The following GRM4 variants were observed in gnomAD, a reference collection of about 807,000 sequenced individuals.
GRM4 encodes the protein glutamate metabotropic receptor 4.
Under a neutral mutation model 81.7 loss-of-function variants are expected in GRM4, and 28 were observed. The observed-to-expected ratio is 0.34, with a 90% CI of 0.25 to 0.47. The LOEUF (loss-of-function observed/expected upper bound fraction) is 0.47. GRM4 is among the 20% of genes least tolerant of loss of function. The probability of loss-of-function intolerance (pLI) is 1.00; values close to 1 mark genes in which losing one functional copy is unlikely to be tolerated. For synonymous variants in GRM4, 488 were observed against 528.8 expected, an observed-to-expected ratio of 0.92 and a Z score of 1.06; for missense variants, 948 against 1,290.0, an observed-to-expected ratio of 0.73 and a Z score of 4.06.
chr6:34,109,033 G>A (rs1190758491), intron 2 of GRM4, among the ~76,000 whole-genome samples: 1 of 152,182 alleles, frequency 6.6e-6, no homozygotes, highest in Non-Finnish European at 1.5e-5. Flanking sequence ...GCCACTCGGG[G>A]TGAGGACCTG....
intron 2 of GRM4, among the ~76,000 whole-genome samples, chr6:34,107,023 G>A (rs1769158865): frequency 1.3e-5 from 2 of 152,264 alleles, no homozygotes; most frequent in Admixed American, 1.3e-4. Context: ...CAAGACCACA[G>A]GTGGCTGGAG....
chr6:34,099,495 A>T (rs927687176), intron 2 of GRM4, among the ~76,000 whole-genome samples: 5 of 152,102 alleles, frequency 3.3e-5, no homozygotes, highest in African/African-American at 4.8e-5. Context: ...ATGTGGCCAC[A>T]GAGAGAGTGG....
intron 3 of GRM4, among the ~76,000 whole-genome samples, chr6:34,085,425 G>A (rs1191735054): frequency 6.6e-6 from 1 of 152,222 alleles, no homozygotes; most frequent in Admixed American, 6.5e-5. Context: ...TCTGTCCTCA[G>A]TGAGTCAGTA....
At chr6:34,073,694 T>G (rs2127473299) in intron 3 of GRM4, among the ~76,000 whole-genome samples, 1 of 151,998 alleles carries the variant, frequency 6.6e-6, no homozygotes, top group Non-Finnish European at 1.5e-5. Flanking sequence ...TCACCGCACG[T>G]GAACAAAGCA....
chr6:34,132,560 T>C (rs750574111), intron 2 of GRM4, among the ~76,000 whole-genome samples: 7 of 128,984 alleles, frequency 5.4e-5, no homozygotes, highest in Non-Finnish European at 1.1e-4. Flanking sequence ...TTCTTATCTG[T>C]CTGTCTGTCT....
At chr6:34,028,415 G>A in intron 9 of GRM4, 49 bp from the exon 10 acceptor site, 1 of 1,573,324 alleles carries the variant, frequency 6.4e-7, no homozygotes, top group South Asian at 1.1e-5. Flanking sequence ...CCGACTGAGG[G>A]CCCTGACTCC....
At chr6:34,154,003 T>C (rs1374586142) in intron 1 of GRM4, among the ~76,000 whole-genome samples, 1 of 151,390 alleles carries the variant, frequency 6.6e-6, no homozygotes, top group African/African-American at 2.4e-5. Context: ...CAGGACCACA[T>C]GGGGTGTTTG....
intron 2 of GRM4, among the ~76,000 whole-genome samples, chr6:34,123,033 C>T (rs1259192442): frequency 6.6e-6 from 1 of 152,202 alleles, no homozygotes; most frequent in South Asian, 2.1e-4. Flanking sequence ...GCAGGGTCAC[C>T]TCAGAGCCTC....
At chr6:34,052,375 TG>T (rs1421230789) in intron 6 of GRM4, among the ~76,000 whole-genome samples, 6 of 152,194 alleles carry the variant, frequency 3.9e-5, no homozygotes, top group African/African-American at 1.4e-4. Flanking sequence ...ATCCTCTTCT[TG>T]GGGGAACTCC....
In GRM4 at chr6:34,022,343, A is replaced by G. The variant is rs534569168; in HGVS notation, c.*478T>C. The G allele has an allele frequency of 9.2e-5, 16 of 173,190 alleles. No homozygotes were observed. Among genetic ancestry groups the G allele is most frequent in the East Asian group, 8.3e-4 (5 of 5,994 alleles). The allele number at this position is 173,190 out of a possible 1,614,324, so 10.7% of individuals were successfully genotyped here. On this transcript the variant is annotated 3_prime_UTR_variant, in exon 11 of 11. Coordinates refer to ENST00000538487, the MANE Select transcript of GRM4 (RefSeq NM_000841.4). This position sits in a 1 kb window ranked among gnomAD's most constrained non-coding sequence, Gnocchi z 5.6. ...AGGAGCTGAGGACAAAGAGGATGAG[A>G]GAGAGAGGCGGAGGCAAGAGCCAGA...
chr6:34,142,707 C>T (rs988244128), intron 1 of GRM4, among the ~76,000 whole-genome samples: 4 of 152,194 alleles, frequency 2.6e-5, no homozygotes, highest in African/African-American at 9.6e-5. Context: ...ATCGCTCACC[C>T]GCTCGCTCTC....
In GRM4 at chr6:34,136,866, C is replaced by G. The variant is rs1381544774; in HGVS notation, c.-363-3007G>C. On this transcript the variant is annotated intron_variant, in intron 1 of 10. Transcript: ENST00000538487. This position sits in a 1 kb window ranked among gnomAD's most constrained non-coding sequence, Gnocchi z 4.1. ...TCCCCTCCCTCCTTTGATCATGTAA[C>G]AGGAACAAGGGAAAAGTAAAAATAC... Among the ~76,000 whole-genome samples, 2 of 151,218 alleles carry G rather than the reference C, an allele frequency of 1.3e-5. No individual in the cohort carries two copies. The highest frequency in any genetic ancestry group is 2.9e-5 in the Non-Finnish European group (2 of 67,898).
chr6:34,115,256 G>A lies in GRM4; in HGVS notation c.519+17722C>T, dbSNP rs981111836. Among the ~76,000 whole-genome samples the A allele has an allele frequency of 6.6e-6, 1 of 152,226 alleles. No individual in the cohort carries two copies. The highest frequency in any genetic ancestry group is 2.4e-5 in the African/African-American group (1 of 41,446). ...TGCGTGCGTGCGTGTATGCGTGTGT[G>A]TGTGTGTGCATGCGTGTGGCCACCC... is the stretch of plus-strand genomic sequence containing the variant. On this transcript the variant is annotated intron_variant, in intron 2 of 10. Coordinates refer to ENST00000538487, the MANE Select transcript of GRM4 (RefSeq NM_000841.4). This position sits in a 1 kb window ranked among gnomAD's most constrained non-coding sequence, Gnocchi z 4.1.
In GRM4 at chr6:34,022,675, G is replaced by T; in HGVS notation, c.*146C>A. The T allele has an allele frequency of 1.4e-6, 1 of 691,828 alleles. No individual in the cohort carries two copies. 42.9% of individuals were successfully genotyped at this position (691,828 alleles called of 1,614,324 possible). A position where few individuals can be genotyped will look rare whatever the true frequency, so the allele number is the denominator to read the frequency against. ...GCCCAGGCTGCCAGCAGTGATGGCT[G>T]GGGGCTCTGCTATCCTCAGCACCAA... On this transcript the variant is annotated 3_prime_UTR_variant, in exon 11 of 11. Transcript: ENST00000538487. The surrounding 1 kb of genome is among the most constrained non-coding windows in gnomAD (Gnocchi z 5.6).
chr6:34,138,701 T>G (rs1016354187), intron 1 of GRM4, among the ~76,000 whole-genome samples: 3 of 152,122 alleles, frequency 2.0e-5, no homozygotes, highest in African/African-American at 4.8e-5. Context: ...ATGGGGAAGG[T>G]GGATGACCAG....
intron 1 of GRM4, among the ~76,000 whole-genome samples, chr6:34,154,861 T>G (rs1334396233): frequency 6.6e-6 from 1 of 152,126 alleles, no homozygotes; most frequent in African/African-American, 2.4e-5. Flanking sequence ...GAGCCTCGAT[T>G]CCCGCGCGCC....
At chr6:34,049,675 G>A (rs763815089) in intron 6 of GRM4, among the ~76,000 whole-genome samples, 10 of 152,048 alleles carry the variant, frequency 6.6e-5, no homozygotes, top group Admixed American at 1.3e-4. Flanking sequence ...ATCGTAGTGC[G>A]TGGCCATTTC....
intron 6 of GRM4, among the ~76,000 whole-genome samples, chr6:34,051,570 C>T (rs537476305): frequency 1.2e-4 from 19 of 152,272 alleles, no homozygotes; most frequent in Non-Finnish European, 2.5e-4. Context: ...GTCAAAAAGA[C>T]GGATGCCACA....
intron 3 of GRM4, among the ~76,000 whole-genome samples, chr6:34,065,558 ATGGCCTCCT>A (rs1453165783): frequency 6.6e-6 from 1 of 152,148 alleles, no homozygotes; most frequent in Non-Finnish European, 1.5e-5. Flanking sequence ...GGGGGTCCCC[ATGGCCTCCT>A]TGGCTTTCCT....
Sources: gnomAD v4.1 joint callset for allele counts (sites outside exome capture counted in the v4.1 genomes callset) on GRCh38, gnomAD v4.1.1 for gene constraint, Gnocchi (gnomAD v3.1) non-coding constraint, MANE v1.5 for transcripts, NCBI Gene and HGNC (gene_info 2026-07-23, HGNC 2026-07-21) for gene names.